The following SLC5A4 variants were observed in gnomAD, a reference collection of about 807,000 sequenced individuals.
The protein encoded by SLC5A4 is probable glucose sensor protein SLC5A4.
Under a neutral mutation model 70.3 loss-of-function variants are expected in SLC5A4, and 55 were observed. That is an observed-to-expected ratio of 0.78 (90% CI 0.63 to 0.98). SLC5A4 has a LOEUF of 0.98. Ranked by LOEUF, SLC5A4 falls within the 50% of genes least tolerant of loss-of-function variation. The pLI, the probability that SLC5A4 is intolerant of heterozygous loss-of-function variation, is 0.00. For synonymous variants in SLC5A4, 268 were observed against 305.7 expected, an observed-to-expected ratio of 0.88 and a Z score of 1.29; for missense variants, 735 against 839.2, an observed-to-expected ratio of 0.88 and a Z score of 1.53.
the SLC5A4 span, among the ~76,000 whole-genome samples, chr22:32,340,941 G>A: frequency 2.3e-4 from 35 of 152,328 alleles, no homozygotes; most frequent in African/African-American, 8.2e-4. Context: ...CCTGGCCAAA[G>A]ACGACGGACA....
At chr22:32,317,765 C>G in the SLC5A4 span, among the ~76,000 whole-genome samples, 1 of 152,176 alleles carries the variant, frequency 6.6e-6, no homozygotes, top group Non-Finnish European at 1.5e-5. Flanking sequence ...CATCCCTGGC[C>G]CCAACTACTC....
At chr22:32,352,066 A>G in the SLC5A4 span, among the ~76,000 whole-genome samples, 42 of 152,208 alleles carry the variant, frequency 2.8e-4, no homozygotes, top group African/African-American at 9.9e-4. Flanking sequence ...GCACATATGC[A>G]CCATGGAATA....
At chr22:32,281,044 G>T in the SLC5A4 span, among the ~76,000 whole-genome samples, 1 of 152,160 alleles carries the variant, frequency 6.6e-6, no homozygotes, top group African/African-American at 2.4e-5. Flanking sequence ...AAAGGCTGTG[G>T]AAGGAAAGAC....
the SLC5A4 span, among the ~76,000 whole-genome samples, chr22:32,344,672 T>C: frequency 2.0e-5 from 3 of 152,202 alleles, no homozygotes; most frequent in Admixed American, 6.5e-5. Flanking sequence ...ATTAAAAATA[T>C]AGGAAATTTC....
At chr22:32,235,986 C>T (rs756115152) in intron 7 of SLC5A4, among the ~76,000 whole-genome samples, 1 of 152,112 alleles carries the variant, frequency 6.6e-6, no homozygotes, top group Non-Finnish European at 1.5e-5. Flanking sequence ...AACAAAAATA[C>T]ATAGGAGACC....
At chr22:32,229,146 G>C in intron 11 of SLC5A4, 48 bp downstream of exon 11, 1 of 1,574,284 alleles carries the variant, frequency 6.4e-7, no homozygotes, top group South Asian at 1.2e-5. Flanking sequence ...TCACTTCTAC[G>C]TCTGTACTTC....
chr22:32,277,642 G>T, the SLC5A4 span, among the ~76,000 whole-genome samples: 6,512 of 152,142 alleles, frequency 0.043, 465 homozygotes, highest in African/African-American at 0.15. Flanking sequence ...CCGCTTCCCG[G>T]GTTCATGCCA....
Position 32,231,060 on chromosome 22 carries a change from ACACATG to A in SLC5A4, c.1031_1036del (p.Ala344_Cys345del). The A allele has an allele frequency of 6.2e-7, 1 of 1,612,412 alleles. No individual in the cohort carries two copies. Among genetic ancestry groups the A allele is most frequent in the Non-Finnish European group, 8.5e-7 (1 of 1,178,434 alleles). The stretch of plus-strand genomic sequence containing the variant: ...GTGTTTCACGCATTCAGAAGGTACC[ACACATG>A]CTACCATATCTGGGGAAGAATTCAG... On this transcript the variant is annotated inframe_deletion, in exon 10 of 15. Transcript: ENST00000266086.
the SLC5A4 span, among the ~76,000 whole-genome samples, chr22:32,336,525 G>T: frequency 1.7e-3 from 258 of 152,338 alleles, no homozygotes; most frequent in Non-Finnish European, 2.5e-3. Flanking sequence ...CTTGTAAGAT[G>T]CCCGCTGCAG....
At chr22:32,271,846 C>A in the SLC5A4 span, 1 of 608,802 alleles carries the variant, frequency 1.6e-6, no homozygotes, top group East Asian at 4.2e-5. Flanking sequence ...TCAGGAAGAT[C>A]CCGCTGTGCT....
At chr22:32,298,386 T>C in the SLC5A4 span, among the ~76,000 whole-genome samples, 3 of 145,480 alleles carry the variant, frequency 2.1e-5, no homozygotes, top group Non-Finnish European at 4.5e-5. Context: ...TCTTGTTGAA[T>C]TGATCCCTTT....
At chr22:32,258,598 G>T (rs1445145840), upstream of SLC5A4, among the ~76,000 whole-genome samples, 2 of 152,176 alleles carry the variant, frequency 1.3e-5, no homozygotes, top group Non-Finnish European at 2.9e-5. Context: ...AAGTATCAAG[G>T]ATGTGGAGAA....
the SLC5A4 span, among the ~76,000 whole-genome samples, chr22:32,281,561 C>G: frequency 2.0e-5 from 3 of 152,172 alleles, no homozygotes; most frequent in Non-Finnish European, 4.4e-5. Flanking sequence ...TGGGGTCTCA[C>G]TTTGTTGCCC....
chr22:32,293,290 A>C, the SLC5A4 span, among the ~76,000 whole-genome samples: 1 of 152,116 alleles, frequency 6.6e-6, no homozygotes, highest in Non-Finnish European at 1.5e-5. Context: ...TGATGTAATT[A>C]CTAAAATATT....
At chr22:32,246,981 G>C (rs564687658) in intron 5 of SLC5A4, among the ~76,000 whole-genome samples, 1 of 152,120 alleles carries the variant, frequency 6.6e-6, no homozygotes, top group African/African-American at 2.4e-5. Context: ...TGTGGTTCAC[G>C]TGTCAGATAA....
chr22:32,271,222 G>C, the SLC5A4 span: 1 of 786,304 alleles, frequency 1.3e-6, no homozygotes, highest in South Asian at 1.5e-5. Flanking sequence ...GGTGTTCTTG[G>C]TGAAGAACTT....
At chr22:32,244,087 T>C (rs1170826625) in intron 5 of SLC5A4, among the ~76,000 whole-genome samples, 2 of 152,216 alleles carry the variant, frequency 1.3e-5, no homozygotes, top group African/African-American at 2.4e-5. Context: ...TATCATCCCA[T>C]GCGATACTGA....
the SLC5A4 span, among the ~76,000 whole-genome samples, chr22:32,323,774 T>A: frequency 6.6e-6 from 1 of 152,238 alleles, no homozygotes; most frequent in Non-Finnish European, 1.5e-5. Flanking sequence ...TGGAAAACTT[T>A]TACAACGCAG....
At chr22:32,354,162 A>C in the SLC5A4 span, among the ~76,000 whole-genome samples, 12,288 of 142,852 alleles carry the variant, frequency 0.086, 905 homozygotes, top group East Asian at 0.46. Flanking sequence ...GGCAGTGGAT[A>C]CGTCCCTCAA....
Sources: allele counts gnomAD v4.1 joint callset (sites outside exome capture counted in the v4.1 genomes callset), GRCh38; gene constraint gnomAD v4.1.1; transcripts MANE v1.5; gene names NCBI Gene and HGNC (gene_info 2026-07-23, HGNC 2026-07-21).